The following TMEFF1 variants were observed in gnomAD, a reference collection of about 807,000 sequenced individuals.
TMEFF1 encodes the protein transmembrane protein with EGF like and two follistatin like domains 1.
A neutral mutation model predicts 47.5 loss-of-function variants in TMEFF1; 20 were observed. The observed-to-expected ratio is 0.42, with a 90% CI of 0.30 to 0.61. TMEFF1 has a LOEUF of 0.61. Among genes scored for constraint, TMEFF1 ranks in the 20% least tolerant of loss-of-function variants. The pLI is 0.19. For missense variants in TMEFF1, 411 were observed against 471.1 expected, an observed-to-expected ratio of 0.87 and a Z score of 1.18; for synonymous variants, 162 against 166.3, an observed-to-expected ratio of 0.97 and a Z score of 0.20.
intron 2 of TMEFF1, among the ~76,000 whole-genome samples, chr9:100,502,887 A>T (rs1262969602): frequency 6.6e-6 from 1 of 152,170 alleles, no homozygotes. Context: ...TGGGTATGAG[A>T]CTAGATGCTG....
intron 5 of TMEFF1, among the ~76,000 whole-genome samples, chr9:100,546,434 C>A (rs908331352): frequency 1.3e-5 from 2 of 151,366 alleles, no homozygotes; most frequent in Admixed American, 6.6e-5. Flanking sequence ...TTCAATCCCC[C>A]CCCCACCAGG....
chr9:100,576,541 C>A lies in TMEFF1; in HGVS notation c.1084C>A (p.Arg362Ser), dbSNP rs778803925. 2 of 1,612,874 alleles carry A rather than the reference C, an allele frequency of 1.2e-6. No homozygotes were observed. Among genetic ancestry groups the A allele is most frequent in the Non-Finnish European group, 1.7e-6 (2 of 1,179,508 alleles). Residue 362 changes from arginine to serine, a missense_variant, in exon 10 of 10, where the codon CGT becomes AGT. Transcript: ENST00000374879. ...AAAATGCCCCAAAAACAATAGAGGACGTCGACAGAAGCAAAACCTAGGTCA... is the reference window on the plus strand; with the variant it reads ...AAAATGCCCCAAAAACAATAGAGGAAGTCGACAGAAGCAAAACCTAGGTCA... ...TRKCPKNNRG[R>S]RQKQNLGHFT...
At chr9:100,480,376 A>G (rs976511349) in intron 1 of TMEFF1, among the ~76,000 whole-genome samples, 1 of 152,246 alleles carries the variant, frequency 6.6e-6, no homozygotes, top group Admixed American at 6.5e-5. Context: ...TACCAGTGGT[A>G]ATTATGAGTA....
chr9:100,576,051 C>T (rs531243759), intron 9 of TMEFF1, among the ~76,000 whole-genome samples: 1 of 152,230 alleles, frequency 6.6e-6, no homozygotes, highest in African/African-American at 2.4e-5. Flanking sequence ...GGTTAATAAG[C>T]ACACTTCTTC....
chr9:100,484,181 A>G lies in TMEFF1; in HGVS notation c.196+10441A>G, dbSNP rs150363910. 3.9e-3 allele frequency among the ~76,000 whole-genome samples: 589 copies of G among 152,206 alleles called. 3 individuals carry two copies. The highest frequency in any genetic ancestry group is 0.013 in the African/African-American group (557 of 41,514). On this transcript the variant is annotated intron_variant, in intron 1 of 9. Transcript: ENST00000374879. Reference sequence around the variant, plus strand: ...ATCATTCTGCTTTCAGTGGCATTCAACTCATTTACATTAAATTAAGTAATT... The same window carrying G: ...ATCATTCTGCTTTCAGTGGCATTCAGCTCATTTACATTAAATTAAGTAATT...
intron 2 of TMEFF1, among the ~76,000 whole-genome samples, chr9:100,499,871 A>G (rs1467199340): frequency 6.6e-6 from 1 of 152,196 alleles, no homozygotes; most frequent in African/African-American, 2.4e-5. Context: ...GTTTAGGTAA[A>G]GGAGGAAGGG....
chr9:100,521,582 T>C (rs892822123), intron 5 of TMEFF1, among the ~76,000 whole-genome samples: 5 of 152,180 alleles, frequency 3.3e-5, no homozygotes, highest in Non-Finnish European at 4.4e-5. Flanking sequence ...TTCTAATCTG[T>C]CCAAGGCCGA....
At position 100,473,485 on chromosome 9, in the gene TMEFF1, G is replaced by A; in HGVS notation, c.-60G>A. 16 of 1,237,168 alleles carry A rather than the reference G, an allele frequency of 1.3e-5. No homozygotes were observed. Among genetic ancestry groups the A allele is most frequent in the Non-Finnish European group, 1.6e-5 (16 of 981,260 alleles). 76.6% of individuals were successfully genotyped at this position (1,237,168 alleles called of 1,614,324 possible). On this transcript the variant is annotated 5_prime_UTR_variant, in exon 1 of 10. Coordinates refer to ENST00000374879, the MANE Select transcript of TMEFF1 (RefSeq NM_003692.5). The surrounding 1 kb of genome is among the most constrained non-coding windows in gnomAD (Gnocchi z 5.4). The stretch of plus-strand genomic sequence containing the variant: ...GAGGCAGCGGCGGGGCTCTGGGCGC[G>A]CGGCTGGATGCCCCCGGCCTGCGGC...
chr9:100,558,721 C>A (rs968546645), intron 7 of TMEFF1, among the ~76,000 whole-genome samples: 1 of 151,720 alleles, frequency 6.6e-6, no homozygotes, highest in Admixed American at 6.6e-5. Flanking sequence ...TTTTTTCTCC[C>A]TTTACCAGGA....
At chr9:100,517,661 A>T (rs931189095) in intron 5 of TMEFF1, among the ~76,000 whole-genome samples, 2 of 152,218 alleles carry the variant, frequency 1.3e-5, no homozygotes, top group Non-Finnish European at 2.9e-5. Context: ...CTGGCAAAAG[A>T]CAAGTAAGTT....
At chr9:100,484,410 T>C (rs1002613593) in intron 1 of TMEFF1, among the ~76,000 whole-genome samples, 16 of 151,862 alleles carry the variant, frequency 1.1e-4, no homozygotes, top group Admixed American at 4.6e-4. Context: ...CTCTGCCTCC[T>C]GGGTTCAAGC....
intron 5 of TMEFF1, among the ~76,000 whole-genome samples, chr9:100,534,412 A>G (rs1381125948): frequency 6.6e-6 from 1 of 152,152 alleles, no homozygotes; most frequent in Non-Finnish European, 1.5e-5. Flanking sequence ...GGTGCAGAGT[A>G]AATGTAGTTA....
chr9:100,494,864 T>C (rs1343732116), intron 1 of TMEFF1, among the ~76,000 whole-genome samples: 1 of 152,224 alleles, frequency 6.6e-6, no homozygotes, highest in Non-Finnish European at 1.5e-5. Context: ...TGAAACATTG[T>C]TGGAATATTT....
chr9:100,569,991 T>C (rs569733493), intron 8 of TMEFF1, among the ~76,000 whole-genome samples: 54 of 152,238 alleles, frequency 3.5e-4, no homozygotes, highest in African/African-American at 1.2e-3. Flanking sequence ...TCTACTTCTA[T>C]GAGATCAACT....
rs1401951670 is a variant in TMEFF1 at position 100,572,522 on chromosome 9, G to A, written c.904G>A (p.Glu302Lys). The change falls in exon 9 of 10, where the codon GAA (glutamate) becomes AAA (lysine). Residue 302 changes from glutamate (E) to lysine (K), a missense_variant. Physicochemically the swap from Glu to Lys is moderately conservative, Grantham distance 56. Transcript: ENST00000374879. ...ATATATATTTTTCCTTTTCAGATGT[G>A]AATCTGGCTACACTGGACAGCACTG... ...YSTQKASCRC[E>K]SGYTGQHCEK... is the part of the protein sequence containing the mutation. 1 of 1,578,526 alleles carries A rather than the reference G, an allele frequency of 6.3e-7. No individual in the cohort carries two copies. Among genetic ancestry groups the A allele is most frequent in the Non-Finnish European group, 8.6e-7 (1 of 1,165,430 alleles).
At position 100,498,824 on chromosome 9, in the gene TMEFF1, G is replaced by T; in HGVS notation, c.256G>T (p.Gly86Ter). 1 of 1,613,950 alleles carries T rather than the reference G, an allele frequency of 6.2e-7. No individual in the cohort carries two copies. Among genetic ancestry groups the T allele is most frequent in the Non-Finnish European group, 8.5e-7 (1 of 1,179,924 alleles). ...TGATGAGTCATCATGTAAATATGGA[G>T]GAGTCTGTAAAGAAGATGGAGATGG... ...VCDESSCKYG[G>*]VCKEDGDGLK... is the part of the protein sequence containing the mutation. The change falls in exon 2 of 10, where the codon GGA (glycine) becomes TGA (stop). Residue 86 changes from glycine to a stop codon, truncating the protein, a stop_gained. Transcript: ENST00000374879. LOFTEE classifies it high-confidence loss of function.
At chr9:100,567,871 G>T (rs770743200) in intron 8 of TMEFF1, among the ~76,000 whole-genome samples, 1 of 152,152 alleles carries the variant, frequency 6.6e-6, no homozygotes, top group Non-Finnish European at 1.5e-5. Context: ...TGGCTGGGGA[G>T]GCCTCACAAT....
At chr9:100,536,079 G>T (rs1838499589) in intron 5 of TMEFF1, among the ~76,000 whole-genome samples, 1 of 152,168 alleles carries the variant, frequency 6.6e-6, no homozygotes, top group African/African-American at 2.4e-5. Context: ...AATATCTTCT[G>T]TGGAAACGAG....
chr9:100,530,995 A>G (rs1838365566), intron 5 of TMEFF1, among the ~76,000 whole-genome samples: 1 of 151,658 alleles, frequency 6.6e-6, no homozygotes, highest in Non-Finnish European at 1.5e-5. Context: ...CCACATGATT[A>G]TCTCAATAGA....
Sources: gnomAD v4.1 joint callset for allele counts (sites outside exome capture counted in the v4.1 genomes callset) on GRCh38, gnomAD v4.1.1 for gene constraint, Gnocchi (gnomAD v3.1) non-coding constraint, MANE v1.5 for transcripts, NCBI Gene and HGNC (gene_info 2026-07-23, HGNC 2026-07-21) for gene names.